Variants in CAV1 observed in about 807,000 individuals in gnomAD.
The protein encoded by CAV1 is caveolin 1.
In CAV1, 10 loss-of-function variants were observed where a neutral mutation model predicts 16.5. The ratio of observed to expected loss-of-function variants is 0.61; its 90% CI spans 0.37 to 1.03. The LOEUF (loss-of-function observed/expected upper bound fraction) is 1.03, where lower values mean the gene tolerates loss of function less well. Ranked by LOEUF, CAV1 falls within the 50% of genes least tolerant of loss-of-function variation. CAV1 has a pLI of 0.01. For synonymous variants in CAV1, 76 were observed against 85.1 expected (o/e 0.89, Z 0.59); for missense variants, 212 against 232.8 (o/e 0.91, Z 0.58).
intron 2 of CAV1, among the ~76,000 whole-genome samples, chr7:116,528,402 C>A (rs1793615634): frequency 6.6e-6 from 1 of 152,096 alleles, no homozygotes; most frequent in South Asian, 2.1e-4. Context: ...GTGTGGGGAT[C>A]CTCAAATTAA....
intron 2 of CAV1, among the ~76,000 whole-genome samples, chr7:116,542,134 T>C (rs924967524): frequency 5.3e-5 from 8 of 152,170 alleles, no homozygotes; most frequent in African/African-American, 1.9e-4. Flanking sequence ...TACCAAAAGG[T>C]CAGCATGAAG....
intron 2 of CAV1, among the ~76,000 whole-genome samples, chr7:116,534,846 G>A (rs1793774975): frequency 6.6e-6 from 1 of 152,132 alleles, no homozygotes; most frequent in African/African-American, 2.4e-5. Flanking sequence ...TACACACCCT[G>A]GTTGATTCTA....
At chr7:116,542,065 T>C (rs1562832968) in intron 2 of CAV1, among the ~76,000 whole-genome samples, 1 of 152,170 alleles carries the variant, frequency 6.6e-6, no homozygotes, top group Non-Finnish European at 1.5e-5. Context: ...AATCAGTGGT[T>C]GAAAATGCAA....
chr7:116,537,325 C>A (rs958130052), intron 2 of CAV1, among the ~76,000 whole-genome samples: 3 of 151,828 alleles, frequency 2.0e-5, no homozygotes, highest in African/African-American at 7.3e-5. Flanking sequence ...TGCAATGGGG[C>A]AAATCAAGGG....
Position 116,548,669 on chromosome 7 carries a change from G to T in CAV1, c.196-10277G>T, listed in dbSNP as rs141816468. On this transcript the variant is annotated intron_variant, in intron 2 of 2. Transcript: ENST00000341049. ...AACAGCACAAGGAGTTTGGGGTGGG[G>T]TTAAAGAGAATGGTGTGGTATAGGG... 8.7e-4 allele frequency among the ~76,000 whole-genome samples: 133 copies of T among 152,290 alleles called. No homozygotes were observed. In the East Asian group the frequency reaches 0.018, roughly 21 times the overall value.
chr7:116,551,698 C>G (rs1794165312), intron 2 of CAV1: 1 of 152,076 alleles, frequency 6.6e-6, no homozygotes, highest in South Asian at 2.1e-4. Context: ...TGATCCTCCA[C>G]AGTTTCTGTG....
chr7:116,531,329 G>A (rs950236880), intron 2 of CAV1, among the ~76,000 whole-genome samples: 19 of 152,126 alleles, frequency 1.2e-4, no homozygotes, highest in African/African-American at 4.6e-4. Context: ...ACAGAAATAT[G>A]CATTCATAAC....
chr7:116,526,443 G>A (rs1284754788), intron 1 of CAV1, 82 bp from the exon 2 acceptor site: 2 of 1,603,538 alleles, frequency 1.2e-6, no homozygotes, highest in Non-Finnish European at 8.5e-7. Flanking sequence ...ACTTCTCATC[G>A]CTTGTTTTTC....
At chr7:116,542,666 G>T (rs1334637043) in intron 2 of CAV1, 2 of 152,150 alleles carry the variant, frequency 1.3e-5, no homozygotes, top group African/African-American at 4.8e-5. Flanking sequence ...AACTACATGA[G>T]ATATACTTTG....
chr7:116,555,495 A>G (rs1286417581), intron 2 of CAV1, among the ~76,000 whole-genome samples: 997 of 5,426 alleles, frequency 0.18, 161 homozygotes, highest in South Asian at 0.32. Context: ...AAAGAAAGAA[A>G]GAAAGAAAGA....
At chr7:116,557,177 A>G (rs995789003) in intron 2 of CAV1, among the ~76,000 whole-genome samples, 1 of 152,244 alleles carries the variant, frequency 6.6e-6, no homozygotes, top group African/African-American at 2.4e-5. Flanking sequence ...GCTCACTTAC[A>G]TAATTGTGGC....
At chr7:116,547,547 G>T (rs1192583772) in intron 2 of CAV1, among the ~76,000 whole-genome samples, 2 of 152,174 alleles carry the variant, frequency 1.3e-5, no homozygotes, top group Non-Finnish European at 2.9e-5. Flanking sequence ...TGGTCACTGT[G>T]TGCCTCATGG....
intron 1 of CAV1, 153 bp downstream of exon 1, chr7:116,525,245 T>C (rs1563092697): frequency 1.2e-6 from 2 of 1,607,898 alleles, no homozygotes; most frequent in East Asian, 2.2e-5. Flanking sequence ...GGAATGGGCC[T>C]GGGCGGGGAG....
chr7:116,554,646 TG>T (rs1446531084), intron 2 of CAV1, among the ~76,000 whole-genome samples: 2 of 152,178 alleles, frequency 1.3e-5, no homozygotes, highest in Admixed American at 1.3e-4. Flanking sequence ...AGTCCCTGGC[TG>T]GGTGCCCAGG....
intron 2 of CAV1, among the ~76,000 whole-genome samples, chr7:116,555,733 T>G (rs1266870721): frequency 6.6e-6 from 1 of 150,742 alleles, no homozygotes; most frequent in Admixed American, 6.6e-5. Context: ...TGCTACTATT[T>G]TTTGGGCATT....
intron 2 of CAV1, among the ~76,000 whole-genome samples, chr7:116,541,122 A>C (rs1392279106): frequency 6.6e-6 from 1 of 152,248 alleles, no homozygotes; most frequent in Non-Finnish European, 1.5e-5. Context: ...GGAATGTCAC[A>C]TACAAGATTC....
intron 2 of CAV1, among the ~76,000 whole-genome samples, chr7:116,546,697 C>CAAAAAAAAAAGAAAAAAAA (rs1794054925): frequency 1.1e-5 from 1 of 88,386 alleles, no homozygotes; most frequent in African/African-American, 4.4e-5. Context: ...GACTCTGTCA[C>CAAAAAAAAAAGAAAAAAAA]AAAAAAAAAA....
In CAV1 at chr7:116,537,486, C is replaced by G. The variant is rs185756720; in HGVS notation, c.195+10797C>G. Among the ~76,000 whole-genome samples the G allele has an allele frequency of 2.0e-3, 310 of 152,174 alleles. 2 individuals are homozygous for G. Among genetic ancestry groups the G allele is most frequent in the African/African-American group, 7.0e-3 (292 of 41,512 alleles). On this transcript the variant is annotated intron_variant, in intron 2 of 2. Coordinates refer to ENST00000341049, the MANE Select transcript of CAV1 (RefSeq NM_001753.5). ...TATTATCACCATCATATTCCTTTTG[C>G]AGATAAGGAAACTCAGGCTTAGCAG...
At chr7:116,541,125 C>G (rs1793927850) in intron 2 of CAV1, among the ~76,000 whole-genome samples, 1 of 152,132 alleles carries the variant, frequency 6.6e-6, no homozygotes, top group Non-Finnish European at 1.5e-5. Context: ...ATGTCACATA[C>G]AAGATTCTGT....
Sources: gnomAD v4.1 joint callset for allele counts (sites outside exome capture counted in the v4.1 genomes callset) on GRCh38, gnomAD v4.1.1 for gene constraint, MANE v1.5 for transcripts, NCBI Gene and HGNC (gene_info 2026-07-23, HGNC 2026-07-21) for gene names.